Variants in VKORC1L1 observed in about 807,000 individuals in gnomAD.
The protein encoded by VKORC1L1 is vitamin K epoxide reductase complex subunit 1L1, also known as vitamin K epoxide reductase complex subunit 1-like protein 1.
A neutral mutation model predicts 18.9 loss-of-function variants in VKORC1L1; 2 were observed. The observed-to-expected ratio is 0.11, with a 90% confidence interval of 0.04 to 0.33. VKORC1L1 has a LOEUF of 0.33. VKORC1L1 is among the 10% of genes least tolerant of loss of function. VKORC1L1 has a pLI of 1.00. For missense variants in VKORC1L1, 123 were observed against 224.1 expected (o/e 0.55, Z 2.88); for synonymous variants, 96 against 100.0 (o/e 0.96, Z 0.24).
intron 1 of VKORC1L1, among the ~76,000 whole-genome samples, chr7:65,897,957 A>G (rs1434301944): frequency 3.3e-5 from 5 of 152,140 alleles, no homozygotes; most frequent in Non-Finnish European, 5.9e-5. Flanking sequence ...GGGGCTTAAA[A>G]ATAGCATGAA....
In VKORC1L1 at chr7:65,873,479, G is replaced by A; in HGVS notation, c.108G>A (p.Val36=). ...GILLSIYAYH[V]EREKERDPEH... ...TGCTCTCCATCTACGCCTACCACGT[G>A]GAGCGGGAGAAGGAGCGGGACCCCG... The change falls in exon 1 of 3, where the codon GTG becomes GTA. Residue 36 remains valine, a synonymous_variant. Transcript: ENST00000360768. The A allele has an allele frequency of 6.3e-7, 1 of 1,597,142 alleles. No individual in the cohort carries two copies.
rs796646643 is a variant in VKORC1L1 at position 65,877,350 on chromosome 7, CT to C, written c.194+3799del. 6.1e-3 allele frequency among the ~76,000 whole-genome samples: 877 copies of C among 143,546 alleles called. 1 individual carries two copies. Among genetic ancestry groups the C allele is most frequent in the Non-Finnish European group, 6.3e-3 (407 of 65,112 alleles). The allele number at this position is 143,546 out of a possible 152,430, so 94.2% of individuals were successfully genotyped here. A position where few individuals can be genotyped will look rare whatever the true frequency, so the allele number is the denominator to read the frequency against. ...GCAAGAGAAACTAATGCAGAATATT[CT>C]TTTTTTTTTTTTTGATGGAGTCTCG... On this transcript the variant is annotated intron_variant, in intron 1 of 2. Transcript: ENST00000360768.
intron 1 of VKORC1L1, among the ~76,000 whole-genome samples, chr7:65,929,829 C>T (rs1441093992): frequency 6.6e-6 from 1 of 151,298 alleles, no homozygotes; most frequent in African/African-American, 2.4e-5. Flanking sequence ...CATGCCTGAC[C>T]CCTACTGATA....
intron 1 of VKORC1L1, among the ~76,000 whole-genome samples, chr7:65,897,884 CTTTTG>C (rs1426726425): frequency 5.9e-5 from 9 of 152,048 alleles, no homozygotes; most frequent in South Asian, 2.1e-4. Context: ...ATGCACATAA[CTTTTG>C]TTTTAGCAGT....
At chr7:65,870,664 A>G (rs1788715413), upstream of VKORC1L1, among the ~76,000 whole-genome samples, 1 of 152,242 alleles carries the variant, frequency 6.6e-6, no homozygotes, top group Non-Finnish European at 1.5e-5. Context: ...CTATTGATGA[A>G]AGAAGCCAGA....
chr7:65,936,441 T>C (rs1789943127), intron 1 of VKORC1L1, among the ~76,000 whole-genome samples: 2 of 152,186 alleles, frequency 1.3e-5, no homozygotes, highest in Admixed American at 1.3e-4. Flanking sequence ...TTTTGCTTTG[T>C]TTTAACAGGC....
rs1491345250 is a variant in VKORC1L1, at chr7:65,909,737, T to TGTGTGTGTGA, written c.194+36173_194+36174insTGTGTGTGAG. On this transcript the variant is annotated intron_variant, in intron 1 of 2. Coordinates refer to ENST00000360768, the MANE Select transcript of VKORC1L1 (RefSeq NM_173517.6). ...GTGTGTGTGTGTGTGTGTGTGTGTG[T>TGTGTGTGTGA]GACGGAGGCTTGCTCTGTCGCCCAG... Among the ~76,000 whole-genome samples, 306 of 145,244 alleles carry TGTGTGTGTGA rather than the reference T, an allele frequency of 2.1e-3. 2 individuals carry two copies. Among genetic ancestry groups the TGTGTGTGTGA allele is most frequent in the East Asian group, 0.011 (56 of 4,900 alleles).
intron 1 of VKORC1L1, among the ~76,000 whole-genome samples, chr7:65,886,914 A>G (rs1253200363): frequency 7.3e-6 from 1 of 137,860 alleles, no homozygotes; most frequent in South Asian, 2.4e-4. Flanking sequence ...CAGTGGTGCA[A>G]TCTTGGCTCA....
intron 1 of VKORC1L1, among the ~76,000 whole-genome samples, chr7:65,881,304 A>G (rs1788923811): frequency 6.6e-6 from 1 of 152,226 alleles, no homozygotes. Flanking sequence ...AATGAATCTC[A>G]TGCTAAATTT....
chr7:65,873,777 GC>G (rs1788774904), intron 1 of VKORC1L1, among the ~76,000 whole-genome samples: 1 of 151,362 alleles, frequency 6.6e-6, no homozygotes, highest in Non-Finnish European at 1.5e-5. Flanking sequence ...GGCGGAGGTG[GC>G]GGGGCCGCGA....
chr7:65,880,658 G>A (rs1788912488), intron 1 of VKORC1L1, among the ~76,000 whole-genome samples: 1 of 152,150 alleles, frequency 6.6e-6, no homozygotes, highest in Non-Finnish European at 1.5e-5. Flanking sequence ...ACAGATCTGG[G>A]AATTTAAGAG....
intron 1 of VKORC1L1, among the ~76,000 whole-genome samples, chr7:65,888,159 A>T (rs1789046434): frequency 6.6e-6 from 1 of 152,176 alleles, no homozygotes; most frequent in Non-Finnish European, 1.5e-5. Context: ...GTAATTTCTT[A>T]TTATTCTGGT....
In VKORC1L1 at chr7:65,891,341, T is replaced by G. The variant is rs538414689; in HGVS notation, c.194+17776T>G. On this transcript the variant is annotated intron_variant, in intron 1 of 2. Coordinates refer to ENST00000360768, the MANE Select transcript of VKORC1L1 (RefSeq NM_173517.6). ...CATGGGATAGGTGAGTGTTTAACTT[T>G]ATTAGAAACAACAGAACAGTTTCCC... Among the ~76,000 whole-genome samples, 249 of 152,286 alleles carry G rather than the reference T, an allele frequency of 1.6e-3. 3 individuals are homozygous for G. The highest frequency in any genetic ancestry group is 0.01 in the Middle Eastern group (3 of 294).
At chr7:65,901,550 C>T (rs1353460413) in intron 1 of VKORC1L1, among the ~76,000 whole-genome samples, 1 of 152,186 alleles carries the variant, frequency 6.6e-6, no homozygotes, top group Non-Finnish European at 1.5e-5. Context: ...GGGAAACAAA[C>T]CTACTGAGCT....
At chr7:65,882,248 G>T (rs1388426955) in intron 1 of VKORC1L1, among the ~76,000 whole-genome samples, 6 of 151,784 alleles carry the variant, frequency 4.0e-5, no homozygotes, top group African/African-American at 1.5e-4. Flanking sequence ...GCATGGTGGT[G>T]CATGCCTGTA....
At chr7:65,946,707 G>A (rs2115728420) in intron 1 of VKORC1L1, among the ~76,000 whole-genome samples, 1 of 152,236 alleles carries the variant, frequency 6.6e-6, no homozygotes, top group East Asian at 1.9e-4. Flanking sequence ...GTCCACAAGG[G>A]CAGCACCTCG....
intron 1 of VKORC1L1, among the ~76,000 whole-genome samples, chr7:65,878,302 C>A (rs1420684329): frequency 1.3e-5 from 2 of 151,848 alleles, no homozygotes; most frequent in Non-Finnish European, 2.9e-5. Context: ...AAAAAATTAG[C>A]CGGGCATGGT....
At chr7:65,867,290 T>C in the VKORC1L1 span, among the ~76,000 whole-genome samples, 5 of 152,042 alleles carry the variant, frequency 3.3e-5, no homozygotes, top group Admixed American at 2.6e-4. Context: ...CCAACCTACC[T>C]CTCGCTGGGT....
Position 65,888,917 on chromosome 7 carries a change from A to G in VKORC1L1, c.194+15352A>G, listed in dbSNP as rs532421470. On this transcript the variant is annotated intron_variant, in intron 1 of 2. Coordinates refer to ENST00000360768, the MANE Select transcript of VKORC1L1 (RefSeq NM_173517.6). The stretch of plus-strand genomic sequence containing the variant: ...GGTTGTTGCTTGTGTCAAGTCAGCT[A>G]GAAAGAGGTGGAGTAAAAACTGGCC... Among the ~76,000 whole-genome samples, 5 of 152,262 alleles carry G rather than the reference A, an allele frequency of 3.3e-5. No homozygotes were observed. The South Asian group carries it at 1.0e-3, about 32-fold the overall frequency.
Sources: gnomAD v4.1 joint callset for allele counts (sites outside exome capture counted in the v4.1 genomes callset) on GRCh38, gnomAD v4.1.1 for gene constraint, MANE v1.5 for transcripts, NCBI Gene and HGNC (gene_info 2026-07-23, HGNC 2026-07-21) for gene names.